Variants in LPAR6 observed in about 807,000 individuals in gnomAD.
LPAR6 encodes the protein lysophosphatidic acid receptor 6.
LPAR6 carries 17 observed loss-of-function variants against 22.0 expected under a neutral mutation model. The ratio of observed to expected loss-of-function variants is 0.77; its 90% CI spans 0.53 to 1.16. LPAR6 has a LOEUF of 1.16. LPAR6 is among the 50% of genes most tolerant of loss of function. LPAR6 has a pLI of 0.00. For missense variants in LPAR6, 384 were observed against 406.9 expected, an observed-to-expected ratio of 0.94 and a Z score of 0.48; for synonymous variants, 136 against 139.8, an observed-to-expected ratio of 0.97 and a Z score of 0.19.
downstream of LPAR6, among the ~76,000 whole-genome samples, chr13:48,408,116 A>G (rs958605027): frequency 2.0e-5 from 3 of 152,064 alleles, no homozygotes; most frequent in African/African-American, 7.2e-5. Flanking sequence ...TATATTTCTC[A>G]ATTTAGTGAC....
chr13:48,409,675 G>T (rs1434794039), downstream of LPAR6, among the ~76,000 whole-genome samples: 1 of 139,968 alleles, frequency 7.1e-6, no homozygotes, highest in African/African-American at 2.6e-5. Flanking sequence ...CTGACTCCTG[G>T]GTTCAAGCGA....
chr13:48,394,577 T>C (rs198560), intron 1 of LPAR6, among the ~76,000 whole-genome samples: 136,236 of 152,166 alleles, frequency 0.9, 62,314 homozygotes, highest in East Asian at 1. Context: ...GGAGGGGCAT[T>C]CCCCATTACT....
At chr13:48,421,254 G>C (rs1949000727) in intron 2 of LPAR6, among the ~76,000 whole-genome samples, 1 of 151,306 alleles carries the variant, frequency 6.6e-6, no homozygotes, top group Non-Finnish European at 1.5e-5. Flanking sequence ...TCTCATCTTT[G>C]ACAAAGATGA....
chr13:48,426,246 T>A (rs1246173930), intron 1 of LPAR6, among the ~76,000 whole-genome samples: 1 of 152,190 alleles, frequency 6.6e-6, no homozygotes, highest in Non-Finnish European at 1.5e-5. Flanking sequence ...ATAGATGACA[T>A]CACCTATAAT....
intron 1 of LPAR6, among the ~76,000 whole-genome samples, chr13:48,438,215 C>A (rs917614821): frequency 2.6e-5 from 4 of 152,132 alleles, no homozygotes; most frequent in African/African-American, 7.2e-5. Flanking sequence ...GCTTGTGTGC[C>A]AGGTGCCCTT....
upstream of LPAR6, among the ~76,000 whole-genome samples, chr13:48,431,398 T>G (rs1949128288): frequency 6.6e-6 from 1 of 152,184 alleles, no homozygotes; most frequent in African/African-American, 2.4e-5. Context: ...AAAAACATAT[T>G]TTGACTTTAG....
rs1361008924 is a variant in LPAR6, at chr13:48,412,374, T to TA, written c.49dup (p.Tyr17LeufsTer35). 9 of 1,614,024 alleles carry TA rather than the reference T, an allele frequency of 5.6e-6. No homozygotes were observed. The highest frequency in any genetic ancestry group is 5.9e-6 in the Non-Finnish European group (7 of 1,179,914). ...GCTGAACATGCACCCATACAAAGTGTACTTAAAGGAGTCATTATAGAAGCA... is the reference window on the plus strand; with the variant it reads ...GCTGAACATGCACCCATACAAAGTGTAACTTAAAGGAGTCATTATAGAAGCA... On this transcript the variant is annotated frameshift_variant, in exon 1 of 1. Coordinates refer to ENST00000620633, the MANE Select transcript of LPAR6 (RefSeq NM_001162498.3). LOFTEE classifies it high-confidence loss of function.
chr13:48,393,727 T>C (rs1423430912), intron 1 of LPAR6, among the ~76,000 whole-genome samples: 1 of 152,238 alleles, frequency 6.6e-6, no homozygotes, highest in African/African-American at 2.4e-5. Flanking sequence ...GAGGGGTGCT[T>C]ACTATATGGA....
chr13:48,410,780 T>C (rs948348904), downstream of LPAR6, among the ~76,000 whole-genome samples: 3 of 152,082 alleles, frequency 2.0e-5, no homozygotes, highest in African/African-American at 7.2e-5. Flanking sequence ...TTCTACAAAT[T>C]GCCTACACAG....
intron 1 of LPAR6, among the ~76,000 whole-genome samples, chr13:48,395,453 A>C (rs1055102540): frequency 6.6e-6 from 1 of 152,170 alleles, no homozygotes; most frequent in Admixed American, 6.5e-5. Context: ...CCATGTTCTA[A>C]CCCAATGCAA....
intron 1 of LPAR6, among the ~76,000 whole-genome samples, chr13:48,433,694 T>TTC (rs1949153889): frequency 6.6e-6 from 1 of 151,776 alleles, no homozygotes; most frequent in South Asian, 2.1e-4. Flanking sequence ...TTTTTTTTTT[T>TTC]TACCTTTAGT....
chr13:48,427,142 G>T (rs1171446779), upstream of LPAR6, among the ~76,000 whole-genome samples: 1 of 152,036 alleles, frequency 6.6e-6, no homozygotes, highest in Non-Finnish European at 1.5e-5. Flanking sequence ...CTCACCTCCA[G>T]CATTGGGGAG....
chr13:48,426,559 CAG>C (rs958263297), intron 1 of LPAR6: 2 of 152,198 alleles, frequency 1.3e-5, no homozygotes, highest in Admixed American at 6.5e-5. Context: ...CCTAGAAATT[CAG>C]AATAAAAGTC....
intron 1 of LPAR6, among the ~76,000 whole-genome samples, chr13:48,405,170 C>A (rs1198682811): frequency 6.6e-6 from 1 of 152,000 alleles, no homozygotes; most frequent in Non-Finnish European, 1.5e-5. Flanking sequence ...TGCAACAAGC[C>A]CAGAAAATGT....
At chr13:48,408,287 G>A (rs1420935310), downstream of LPAR6, among the ~76,000 whole-genome samples, 2 of 151,584 alleles carry the variant, frequency 1.3e-5, no homozygotes, top group Non-Finnish European at 2.9e-5. Flanking sequence ...ATATTTTTAT[G>A]CTTTTTAAAA....
intron 1 of LPAR6, among the ~76,000 whole-genome samples, chr13:48,425,378 C>T (rs1949064944): frequency 6.6e-6 from 1 of 152,214 alleles, no homozygotes; most frequent in African/African-American, 2.4e-5. Context: ...CTCTGAATTC[C>T]TGGAAGATGT....
At chr13:48,417,799 GAAAT>G (rs1948938566), upstream of LPAR6, among the ~76,000 whole-genome samples, 1 of 152,176 alleles carries the variant, frequency 6.6e-6, no homozygotes, top group African/African-American at 2.4e-5. Context: ...TCACCTTTAT[GAAAT>G]AAAGTGTGAA....
At chr13:48,436,513 C>T (rs1465023910) in intron 1 of LPAR6, among the ~76,000 whole-genome samples, 1 of 152,018 alleles carries the variant, frequency 6.6e-6, no homozygotes, top group Non-Finnish European at 1.5e-5. Flanking sequence ...TATGGTGGCA[C>T]ATGCCTGTAA....
intron 1 of LPAR6, among the ~76,000 whole-genome samples, chr13:48,394,237 C>G (rs1481642741): frequency 6.6e-6 from 1 of 152,194 alleles, no homozygotes; most frequent in East Asian, 1.9e-4. Context: ...CTATGCTTTT[C>G]CCACAGTCTT....
Sources: allele counts gnomAD v4.1 joint callset (sites outside exome capture counted in the v4.1 genomes callset), GRCh38; gene constraint gnomAD v4.1.1; transcripts MANE v1.5; gene names NCBI Gene and HGNC (gene_info 2026-07-23, HGNC 2026-07-21).